NKAIN2: variants seen among roughly 807,000 people sequenced by gnomAD.
NKAIN2 encodes the protein sodium/potassium transporting ATPase interacting 2, also known as sodium/potassium-transporting ATPase subunit beta-1-interacting protein 2.
A neutral mutation model predicts 32.6 loss-of-function variants in NKAIN2; 14 were observed. The observed-to-expected ratio is 0.43, with a 90% CI of 0.28 to 0.67. NKAIN2 has a LOEUF of 0.67. NKAIN2 is among the 30% of genes least tolerant of loss of function. The probability of loss-of-function intolerance (pLI) is 0.17; values close to 1 mark genes in which losing one functional copy is unlikely to be tolerated. For missense variants in NKAIN2, 198 were observed against 258.3 expected (o/e 0.77, Z 1.60); for synonymous variants, 80 against 87.2 (o/e 0.92, Z 0.46).
At chr6:123,930,980 C>G (rs1188158021) in intron 1 of NKAIN2, among the ~76,000 whole-genome samples, 2 of 151,996 alleles carry the variant, frequency 1.3e-5, no homozygotes, top group Non-Finnish European at 2.9e-5. Flanking sequence ...GGAAAATGAG[C>G]TCTTAAAAAT....
At chr6:124,651,882 A>T (rs1394584752) in intron 3 of NKAIN2, among the ~76,000 whole-genome samples, 2 of 152,196 alleles carry the variant, frequency 1.3e-5, no homozygotes, top group Non-Finnish European at 2.9e-5. Flanking sequence ...TGATCTCCTT[A>T]TCAAATGTGT....
intron 1 of NKAIN2, among the ~76,000 whole-genome samples, chr6:124,002,526 T>C (rs1278086701): frequency 1.3e-5 from 2 of 152,074 alleles, no homozygotes; most frequent in Non-Finnish European, 2.9e-5. Context: ...GGTATTATCC[T>C]GACCAGTAAT....
chr6:124,777,947 T>TCACACACACACA (rs142387344), intron 4 of NKAIN2, among the ~76,000 whole-genome samples: 1 of 146,852 alleles, frequency 6.8e-6, no homozygotes, highest in African/African-American at 2.5e-5. Context: ...GAAATCACAT[T>TCACACACACACA]CACACACACA....
At chr6:124,194,503 AT>A (rs1790210074) in intron 1 of NKAIN2, among the ~76,000 whole-genome samples, 1 of 152,168 alleles carries the variant, frequency 6.6e-6, no homozygotes, top group East Asian at 1.9e-4. Flanking sequence ...ATGGAATTTG[AT>A]TTAAATCTAC....
intron 4 of NKAIN2, 108 bp downstream of exon 4, chr6:124,658,494 G>T: frequency 6.4e-7 from 1 of 1,552,830 alleles, no homozygotes; most frequent in East Asian, 2.3e-5. Flanking sequence ...TGGCCTTTTT[G>T]CTTTTTCCTC....
At chr6:124,263,813 T>C (rs138645792) in intron 1 of NKAIN2, among the ~76,000 whole-genome samples, 92 of 133,990 alleles carry the variant, frequency 6.9e-4, no homozygotes, top group African/African-American at 2.7e-3. Flanking sequence ...TTTGTTACAC[T>C]GTTACTCAGA....
intron 1 of NKAIN2, among the ~76,000 whole-genome samples, chr6:124,060,919 C>T (rs771858359): frequency 1.1e-4 from 17 of 151,764 alleles, no homozygotes; most frequent in Admixed American, 1.3e-4. Flanking sequence ...TACTACAATA[C>T]GAGAAAAAAT....
At chr6:124,530,925 C>T (rs1377705955) in intron 3 of NKAIN2, among the ~76,000 whole-genome samples, 1 of 152,286 alleles carries the variant, frequency 6.6e-6, no homozygotes, top group East Asian at 1.9e-4. Context: ...TATCTGGGCC[C>T]TCAGTGGATT....
At chr6:124,500,583 G>A (rs766008143) in intron 3 of NKAIN2, among the ~76,000 whole-genome samples, 15 of 152,146 alleles carry the variant, frequency 9.9e-5, no homozygotes, top group South Asian at 2.1e-4. Context: ...GAACCTGGGA[G>A]GCAGAGTTTG....
At chr6:124,805,584 T>G (rs971651953) in intron 5 of NKAIN2, among the ~76,000 whole-genome samples, 4 of 152,096 alleles carry the variant, frequency 2.6e-5, no homozygotes, top group Non-Finnish European at 4.4e-5. Context: ...AAGCAGAGCA[T>G]CTCTCCTCCT....
At chr6:124,237,358 G>C (rs1489177301) in intron 1 of NKAIN2, among the ~76,000 whole-genome samples, 1 of 151,986 alleles carries the variant, frequency 6.6e-6, no homozygotes, top group Admixed American at 6.6e-5. Flanking sequence ...ACTTTTTTTT[G>C]TTGTTTTTGT....
chr6:124,446,336 T>G (rs1775890177), intron 3 of NKAIN2, among the ~76,000 whole-genome samples: 1 of 77,900 alleles, frequency 1.3e-5, no homozygotes, highest in Non-Finnish European at 4.0e-5. Flanking sequence ...ATATATAAGT[T>G]TTTTGTTTGT....
At chr6:123,912,917 G>A (rs762891173) in intron 1 of NKAIN2, among the ~76,000 whole-genome samples, 2 of 152,292 alleles carry the variant, frequency 1.3e-5, no homozygotes, top group Non-Finnish European at 1.5e-5. Flanking sequence ...TTGTGATTTA[G>A]TGAAAGCTAC....
intron 1 of NKAIN2, among the ~76,000 whole-genome samples, chr6:124,180,483 C>G (rs1789389031): frequency 6.6e-6 from 1 of 152,088 alleles, no homozygotes; most frequent in South Asian, 2.1e-4. Context: ...CCCATGACAC[C>G]TGAGAATTAT....
chr6:123,940,455 C>T (rs1312023213), intron 1 of NKAIN2, among the ~76,000 whole-genome samples: 2 of 151,878 alleles, frequency 1.3e-5, no homozygotes, highest in Non-Finnish European at 2.9e-5. Context: ...ATGATTTTGT[C>T]ATTGTGTGAA....
At chr6:124,585,323 G>A (rs1030116182) in intron 3 of NKAIN2, among the ~76,000 whole-genome samples, 1 of 152,194 alleles carries the variant, frequency 6.6e-6, no homozygotes, top group South Asian at 2.1e-4. Flanking sequence ...AGGTAGCTGG[G>A]GGGAGAGGGT....
chr6:124,536,687 CA>C (rs1779727413), intron 3 of NKAIN2, among the ~76,000 whole-genome samples: 1 of 152,168 alleles, frequency 6.6e-6, no homozygotes, highest in South Asian at 2.1e-4. Flanking sequence ...TGCTAGGCTT[CA>C]AACACAGACT....
chr6:124,069,827 C>A (rs1393062817), intron 1 of NKAIN2, among the ~76,000 whole-genome samples: 1 of 152,186 alleles, frequency 6.6e-6, no homozygotes, highest in Non-Finnish European at 1.5e-5. Context: ...CATCCTTCCC[C>A]TTCTGGAATT....
chr6:123,974,925 T>G (rs1778488848), intron 1 of NKAIN2, among the ~76,000 whole-genome samples: 1 of 152,200 alleles, frequency 6.6e-6, no homozygotes, highest in African/African-American at 2.4e-5. Flanking sequence ...TTCCAACGCT[T>G]ACAATAATGA....
Sources: allele counts gnomAD v4.1 joint callset (sites outside exome capture counted in the v4.1 genomes callset), GRCh38; gene constraint gnomAD v4.1.1; transcripts MANE v1.5; gene names NCBI Gene and HGNC (gene_info 2026-07-23, HGNC 2026-07-21).